Variants in ENPP6 observed in about 807,000 individuals in gnomAD.
ENPP6 encodes the protein ectonucleotide pyrophosphatase/phosphodiesterase 6, also known as glycerophosphocholine cholinephosphodiesterase ENPP6.
ENPP6 carries 32 observed loss-of-function variants against 42.0 expected under a neutral mutation model. That is an observed-to-expected ratio of 0.76 (90% confidence interval 0.58 to 1.02). The LOEUF is 1.02. Ranked by LOEUF, ENPP6 falls within the 50% of genes least tolerant of loss-of-function variation. The probability of loss-of-function intolerance (pLI) is 0.00; values close to 1 mark genes in which losing one functional copy is unlikely to be tolerated. For missense variants in ENPP6, 552 were observed against 566.8 expected (o/e 0.97, Z 0.27); for synonymous variants, 213 against 216.0 (o/e 0.99, Z 0.12).
intron 1 of ENPP6, among the ~76,000 whole-genome samples, chr4:184,173,357 C>T (rs1270277051): frequency 2.0e-5 from 3 of 152,156 alleles, no homozygotes; most frequent in Non-Finnish European, 2.9e-5. Flanking sequence ...CAAACACAAA[C>T]GATGTATTAA....
chr4:184,089,011 C>T lies in ENPP6; in HGVS notation c.*2166G>A, dbSNP rs1200255027. On this transcript the variant is annotated 3_prime_UTR_variant, in exon 8 of 8. Transcript: ENST00000296741. ...ATCATTTGAGTATCTCTTAGGGATT[C>T]TTCCTCCACAGTGGAGGAAAGTGGG... is the stretch of plus-strand genomic sequence containing the variant. The T allele has an allele frequency of 6.6e-6, 1 of 152,148 alleles. No individual in the cohort carries two copies. The highest frequency in any genetic ancestry group is 6.5e-5 in the Admixed American group (1 of 15,280). 9.4% of individuals were successfully genotyped at this position (152,148 alleles called of 1,614,324 possible). A position where few individuals can be genotyped will look rare whatever the true frequency, so the allele number is the denominator to read the frequency against.
chr4:184,140,735 CA>C (rs1736804482), intron 2 of ENPP6, among the ~76,000 whole-genome samples: 1 of 126,374 alleles, frequency 7.9e-6, no homozygotes, highest in Non-Finnish European at 1.7e-5. Context: ...ATACAAAAAT[CA>C]ATTCAAGATG....
At chr4:184,105,503 A>G (rs1193300628) in intron 6 of ENPP6, among the ~76,000 whole-genome samples, 1 of 152,194 alleles carries the variant, frequency 6.6e-6, no homozygotes, top group East Asian at 1.9e-4. Flanking sequence ...CTAGACTTGA[A>G]TTCAAGTCCT....
intron 6 of ENPP6, among the ~76,000 whole-genome samples, chr4:184,099,231 G>A (rs1735960175): frequency 1.3e-5 from 2 of 152,254 alleles, no homozygotes; most frequent in Non-Finnish European, 2.9e-5. Context: ...CCTGCTGGCA[G>A]CGGCCAGTGA....
chr4:184,187,132 G>C (rs908189512), intron 1 of ENPP6, among the ~76,000 whole-genome samples: 1 of 152,222 alleles, frequency 6.6e-6, no homozygotes, highest in South Asian at 2.1e-4. Context: ...TCTGTGAGAG[G>C]AGATGCGGAA....
chr4:184,211,776 AC>A (rs1296886944), intron 1 of ENPP6, among the ~76,000 whole-genome samples: 37 of 151,436 alleles, frequency 2.4e-4, no homozygotes, highest in Non-Finnish European at 4.4e-4. Flanking sequence ...CCAGGCAGAG[AC>A]ACAACAAAAA....
At chr4:184,138,285 C>A (rs1579629734) in intron 2 of ENPP6, among the ~76,000 whole-genome samples, 1 of 152,042 alleles carries the variant, frequency 6.6e-6, no homozygotes, top group African/African-American at 2.4e-5. Flanking sequence ...GTTTTTGTAC[C>A]AATGTCATTT....
In ENPP6 at chr4:184,108,448, C is replaced by T. The variant is rs926327432; in HGVS notation, c.993+4224G>A. On this transcript the variant is annotated intron_variant, in intron 6 of 7. Coordinates refer to ENST00000296741, the MANE Select transcript of ENPP6 (RefSeq NM_153343.4). ...TGAGAGATTAATAGCCTTGGCACAA[C>T]GCAGAAACGAGGATATAGAATGGGG... Among the ~76,000 whole-genome samples the T allele has an allele frequency of 2.0e-5, 3 of 152,280 alleles. 1 individual carries two copies. The highest frequency in any genetic ancestry group is 4.8e-5 in the African/African-American group (2 of 41,566).
chr4:184,151,060 T>C (rs1371591493), intron 2 of ENPP6, among the ~76,000 whole-genome samples: 2 of 152,224 alleles, frequency 1.3e-5, no homozygotes, highest in Non-Finnish European at 2.9e-5. Context: ...GCTAAAAGCC[T>C]GGAGCAGTGG....
chr4:184,116,813 G>T lies in ENPP6; in HGVS notation c.855+43C>A, dbSNP rs747611869. 1.5e-5 allele frequency: 24 copies of T among 1,605,956 alleles called. 1 individual carries two copies. The highest frequency in any genetic ancestry group is 1.9e-5 in the Non-Finnish European group (22 of 1,175,704). On this transcript the variant is annotated intron_variant, in intron 5 of 7. Transcript: ENST00000296741. ...AGACAGTGCAGATGGCAACACACGA[G>T]GGCCCACATGGCCCTCCTCCGCCCC...
At chr4:184,143,810 T>C (rs1736871811) in intron 2 of ENPP6, among the ~76,000 whole-genome samples, 1 of 152,226 alleles carries the variant, frequency 6.6e-6, no homozygotes, top group Non-Finnish European at 1.5e-5. Context: ...ATCCATGTTC[T>C]GGCTTTTTAA....
chr4:184,113,965 C>CTCTCTT (rs1736272467), intron 5 of ENPP6, among the ~76,000 whole-genome samples: 1 of 36,472 alleles, frequency 2.7e-5, no homozygotes, highest in African/African-American at 9.7e-5. Flanking sequence ...CTTTCTTTCT[C>CTCTCTT]TCTTTCTTTC....
In ENPP6 at chr4:184,162,566, A is replaced by G. The variant is rs372646643; in HGVS notation, c.242-8833T>C. 4.7e-3 allele frequency among the ~76,000 whole-genome samples: 139 copies of G among 29,436 alleles called. 2 individuals are homozygous for G. Among genetic ancestry groups the G allele is most frequent in the African/African-American group, 0.019 (121 of 6,466 alleles). 19.3% of individuals were successfully genotyped at this position (29,436 alleles called of 152,430 possible). A position where few individuals can be genotyped will look rare whatever the true frequency, so the allele number is the denominator to read the frequency against. On this transcript the variant is annotated intron_variant, in intron 1 of 7. Coordinates refer to ENST00000296741, the MANE Select transcript of ENPP6 (RefSeq NM_153343.4). ...GAGGGAAGAAGGAAGGAAAGAAGGA[A>G]GGAAGGAAGAAAGGAAGGAAGAGAG...
chr4:184,139,490 A>T (rs1432358816), intron 2 of ENPP6, among the ~76,000 whole-genome samples: 2 of 135,674 alleles, frequency 1.5e-5, no homozygotes, highest in African/African-American at 5.5e-5. Context: ...ATATCTCCCA[A>T]TGCTATCCCT....
intron 2 of ENPP6, among the ~76,000 whole-genome samples, chr4:184,134,705 T>C (rs948852191): frequency 1.3e-5 from 2 of 151,986 alleles, no homozygotes; most frequent in Non-Finnish European, 2.9e-5. Context: ...CAGTTTTCTT[T>C]GTTGTATGTT....
intron 3 of ENPP6, among the ~76,000 whole-genome samples, chr4:184,122,867 A>G (rs1484984955): frequency 6.6e-6 from 1 of 152,156 alleles, no homozygotes; most frequent in Non-Finnish European, 1.5e-5. Flanking sequence ...TTAGACATGG[A>G]GCAATGTCCA....
intron 1 of ENPP6, among the ~76,000 whole-genome samples, chr4:184,190,925 G>A (rs766919756): frequency 6.6e-6 from 1 of 152,206 alleles, no homozygotes; most frequent in Non-Finnish European, 1.5e-5. Flanking sequence ...CCCCAGAAGC[G>A]CTTATTGTTC....
At chr4:184,181,687 A>G (rs1457214498) in intron 1 of ENPP6, among the ~76,000 whole-genome samples, 1 of 152,154 alleles carries the variant, frequency 6.6e-6, no homozygotes, top group Non-Finnish European at 1.5e-5. Flanking sequence ...AACAGAATAG[A>G]AACCCAGAAA....
In ENPP6 at chr4:184,105,542, T is replaced by C. The variant is rs913875645; in HGVS notation, c.993+7130A>G. On this transcript the variant is annotated intron_variant, in intron 6 of 7. Coordinates refer to ENST00000296741, the MANE Select transcript of ENPP6 (RefSeq NM_153343.4). Reference sequence around the variant, plus strand: ...TTAGTTGCTCAGAGATTTGTAACCATAGGCAAGATACCTAAAATGCTGAGC... The same window carrying C: ...TTAGTTGCTCAGAGATTTGTAACCACAGGCAAGATACCTAAAATGCTGAGC... Among the ~76,000 whole-genome samples, 5 of 152,300 alleles carry C rather than the reference T, an allele frequency of 3.3e-5. No homozygotes were observed. In the South Asian group the frequency reaches 6.2e-4, roughly 19 times the overall value.
Sources: allele counts gnomAD v4.1 joint callset (sites outside exome capture counted in the v4.1 genomes callset), GRCh38; gene constraint gnomAD v4.1.1; transcripts MANE v1.5; gene names NCBI Gene and HGNC (gene_info 2026-07-23, HGNC 2026-07-21).